ZFHX3: variants seen among roughly 807,000 people sequenced by gnomAD.
The protein encoded by ZFHX3 is zinc finger homeobox 3, also known as zinc finger homeobox protein 3.
Under a neutral mutation model 279.1 loss-of-function variants are expected in ZFHX3, and 42 were observed. The observed-to-expected ratio is 0.15, with a 90% CI of 0.12 to 0.19. ZFHX3 has a LOEUF of 0.19. Among genes scored for constraint, ZFHX3 ranks in the 10% least tolerant of loss-of-function variants. The pLI, the probability that ZFHX3 is intolerant of heterozygous loss-of-function variation, is 1.00. For missense variants in ZFHX3, 4,981 were observed against 4,754.0 expected, an observed-to-expected ratio of 1.05 and a Z score of -1.40; for synonymous variants, 2,293 against 1,957.8, an observed-to-expected ratio of 1.17 and a Z score of -4.52.
chr16:73,259,868 C>A (rs925558182), intron 4 of ZFHX3, among the ~76,000 whole-genome samples: 4 of 152,138 alleles, frequency 2.6e-5, no homozygotes, highest in Admixed American at 6.5e-5. Context: ...TGCTAAATAA[C>A]CATGGAAAAG....
In ZFHX3 at chr16:72,948,768, G is replaced by A. The variant is rs543245737; in HGVS notation, c.3216+1701C>T. Among the ~76,000 whole-genome samples, 7 of 152,302 alleles carry A rather than the reference G, an allele frequency of 4.6e-5. No homozygotes were observed. In the East Asian group the frequency reaches 1.3e-3, roughly 29 times the overall value. Reference sequence around the variant, plus strand: ...CTTCAATGGCCACGCCGAGTCCTTTGTACAAATTTTACTCAGTTGGGTCCT... The same window carrying A: ...CTTCAATGGCCACGCCGAGTCCTTTATACAAATTTTACTCAGTTGGGTCCT... On this transcript the variant is annotated intron_variant, in intron 3 of 9. Coordinates refer to ENST00000268489, the MANE Select transcript of ZFHX3 (RefSeq NM_006885.4).
chr16:73,695,232 G>GTT (rs1409367239), intron 1 of ZFHX3, among the ~76,000 whole-genome samples: 1,649 of 77,620 alleles, frequency 0.021, 25 homozygotes, highest in Non-Finnish European at 0.036. Context: ...TTCAAATACA[G>GTT]TTTTTTTTTG....
chr16:73,188,175 T>A (rs918058611), intron 5 of ZFHX3, among the ~76,000 whole-genome samples: 1 of 151,776 alleles, frequency 6.6e-6, no homozygotes, highest in African/African-American at 2.4e-5. Context: ...TTGGAATTTT[T>A]AACAGGGATA....
chr16:72,988,526 T>C (rs557974104), intron 1 of ZFHX3, among the ~76,000 whole-genome samples: 1 of 152,368 alleles, frequency 6.6e-6, no homozygotes, highest in African/African-American at 2.4e-5. Flanking sequence ...ATCTTCCCTC[T>C]GCACTGCTCT....
chr16:72,846,572 C>T (rs78805038), intron 4 of ZFHX3, among the ~76,000 whole-genome samples: 1 of 152,214 alleles, frequency 6.6e-6, no homozygotes, highest in Non-Finnish European at 1.5e-5. Context: ...AGACCCACCA[C>T]TCCCTCTGCT....
chr16:72,889,707 T>C (rs2038722674), intron 4 of ZFHX3, 24 bp downstream of exon 4: 1 of 1,608,288 alleles, frequency 6.2e-7, no homozygotes, highest in Non-Finnish European at 8.5e-7. Context: ...AACCTGGGCC[T>C]CCCATGCCTG....
intron 3 of ZFHX3, among the ~76,000 whole-genome samples, chr16:72,941,500 A>G (rs1282594186): frequency 6.6e-6 from 1 of 152,134 alleles, no homozygotes. Flanking sequence ...TTAAATGTGA[A>G]TTTCAGGTAA....
At chr16:73,831,619 G>T (rs1960999979) in intron 1 of ZFHX3, among the ~76,000 whole-genome samples, 2 of 152,196 alleles carry the variant, frequency 1.3e-5, no homozygotes, top group Admixed American at 1.3e-4. Flanking sequence ...CACACAGACA[G>T]TTAATCTCAT....
In ZFHX3 at chr16:73,146,009, G is replaced by A. The variant is rs559440241; in HGVS notation, c.-1103-2178C>T. On this transcript the variant is annotated intron_variant, in intron 5 of 17. Transcript: ENST00000641206. ...TTTATCTACTGGTGGCATATAACCAGGCTAGTAGTGCCATTAAATATTTGA... is the reference window on the plus strand; with the variant it reads ...TTTATCTACTGGTGGCATATAACCAAGCTAGTAGTGCCATTAAATATTTGA... Among the ~76,000 whole-genome samples, 18 of 152,206 alleles carry A rather than the reference G, an allele frequency of 1.2e-4. No homozygotes were observed. The East Asian group carries it at 3.5e-3, about 29-fold the overall frequency.
intron 1 of ZFHX3, among the ~76,000 whole-genome samples, chr16:73,761,956 T>C (rs1597099893): frequency 6.6e-6 from 1 of 151,940 alleles, no homozygotes; most frequent in African/African-American, 2.4e-5. Flanking sequence ...TCAAAAGCAA[T>C]TGCAACAAAA....
At chr16:73,259,205 T>C (rs991986556) in intron 4 of ZFHX3, among the ~76,000 whole-genome samples, 3 of 152,192 alleles carry the variant, frequency 2.0e-5, no homozygotes, top group Non-Finnish European at 2.9e-5. Flanking sequence ...CACAGCTAGA[T>C]GTGGGATTCC....
intron 2 of ZFHX3, among the ~76,000 whole-genome samples, chr16:73,552,906 T>C (rs1312709600): frequency 2.6e-5 from 4 of 152,232 alleles, no homozygotes; most frequent in Non-Finnish European, 5.9e-5. Flanking sequence ...ATTCTGAATT[T>C]AACTCTTCTT....
intron 3 of ZFHX3, among the ~76,000 whole-genome samples, chr16:73,374,140 G>T (rs1255173332): frequency 6.6e-6 from 1 of 152,110 alleles, no homozygotes; most frequent in Non-Finnish European, 1.5e-5. Context: ...TGAGGGAGCC[G>T]GCGACAGGAA....
At position 72,959,284 on chromosome 16, in the gene ZFHX3, T is replaced by G. The variant is rs1438484299; in HGVS notation, c.862A>C (p.Lys288Gln). ...RKPILMCFLC[K>Q]LSFGYVRSFV... is the part of the protein sequence containing the mutation. The stretch of plus-strand genomic sequence containing the variant: ...GAACGGACGTACCCAAAGGAGAGTT[T>G]GCACAAGAAACACATCAGGATGGGC... The change falls in exon 2 of 10, where the codon AAA (lysine) becomes CAA (glutamine). Residue 288 changes from lysine (K) to glutamine (Q), a missense_variant. Physicochemically the swap from Lys to Gln is moderately conservative, Grantham distance 53. Transcript: ENST00000268489. 2.5e-6 allele frequency: 4 copies of G among 1,614,090 alleles called. No homozygotes were observed. The highest frequency in any genetic ancestry group is 3.4e-6 in the Non-Finnish European group (4 of 1,180,048).
intron 1 of ZFHX3, among the ~76,000 whole-genome samples, chr16:73,847,139 TAAAAATACA>T (rs1309195186): frequency 6.6e-6 from 1 of 151,962 alleles, no homozygotes; most frequent in Non-Finnish European, 1.5e-5. Flanking sequence ...CCATCTCTAC[TAAAAATACA>T]AAATTAGCCA....
At chr16:73,549,259 C>T (rs1356665139) in intron 2 of ZFHX3, among the ~76,000 whole-genome samples, 1 of 151,828 alleles carries the variant, frequency 6.6e-6, no homozygotes, top group Non-Finnish European at 1.5e-5. Context: ...ATATGAAAAA[C>T]AGCATTATTA....
At chr16:73,013,889 C>T (rs192899611) in intron 1 of ZFHX3, among the ~76,000 whole-genome samples, 2 of 152,128 alleles carry the variant, frequency 1.3e-5, no homozygotes, top group Non-Finnish European at 1.5e-5. Context: ...TGAATAACAA[C>T]CCCCGAAGAC....
chr16:72,927,062 A>T (rs1177322289), intron 3 of ZFHX3, among the ~76,000 whole-genome samples: 1 of 152,146 alleles, frequency 6.6e-6, no homozygotes, highest in Non-Finnish European at 1.5e-5. Flanking sequence ...TACCTCTAAA[A>T]ATCTATTTCC....
At chr16:73,832,885 G>A (rs919264471) in intron 1 of ZFHX3, among the ~76,000 whole-genome samples, 6 of 152,130 alleles carry the variant, frequency 3.9e-5, no homozygotes, top group Admixed American at 3.3e-4. Context: ...TGGCTGATAA[G>A]TGTCAGAAAT....
Sources: allele counts gnomAD v4.1 joint callset (sites outside exome capture counted in the v4.1 genomes callset), GRCh38; gene constraint gnomAD v4.1.1; transcripts MANE v1.5; gene names NCBI Gene and HGNC (gene_info 2026-07-23, HGNC 2026-07-21).